CAMK4: variants seen among roughly 807,000 people sequenced by gnomAD.
CAMK4 encodes the protein calcium/calmodulin dependent protein kinase IV, also known as calcium/calmodulin-dependent protein kinase type IV.
In CAMK4, 22 loss-of-function variants were observed where a neutral mutation model predicts 44.9. That is an observed-to-expected ratio of 0.49 (90% CI 0.35 to 0.70). The LOEUF (loss-of-function observed/expected upper bound fraction) is 0.70. Among genes scored for constraint, CAMK4 ranks in the 30% least tolerant of loss-of-function variants. The pLI is 0.01. For missense variants in CAMK4, 498 were observed against 586.8 expected, an observed-to-expected ratio of 0.85 and a Z score of 1.56; for synonymous variants, 218 against 215.4, an observed-to-expected ratio of 1.01 and a Z score of -0.11.
At chr5:111,463,904 A>C (rs1754729500) in intron 7 of CAMK4, among the ~76,000 whole-genome samples, 1 of 152,038 alleles carries the variant, frequency 6.6e-6, no homozygotes, top group South Asian at 2.1e-4. Flanking sequence ...GGAACCAGAA[A>C]AACAATTCTG....
At chr5:111,379,212 G>T (rs1330011530) in intron 4 of CAMK4, among the ~76,000 whole-genome samples, 2 of 152,116 alleles carry the variant, frequency 1.3e-5, no homozygotes, top group African/African-American at 4.8e-5. Context: ...AATAGTGTTT[G>T]CTGTTTACTT....
intron 1 of CAMK4, among the ~76,000 whole-genome samples, chr5:111,309,134 G>A (rs1263838336): frequency 6.6e-6 from 1 of 152,184 alleles, no homozygotes; most frequent in Non-Finnish European, 1.5e-5. Flanking sequence ...ACAAGGCTCT[G>A]CTAGCTGACG....
intron 1 of CAMK4, among the ~76,000 whole-genome samples, chr5:111,239,297 G>C (rs1748884715): frequency 6.6e-6 from 1 of 152,012 alleles, no homozygotes; most frequent in Admixed American, 6.6e-5. Flanking sequence ...CTTGTGTTTT[G>C]CTTGGTTTTA....
At chr5:111,471,135 C>T (rs1411231600) in intron 7 of CAMK4, among the ~76,000 whole-genome samples, 2 of 152,222 alleles carry the variant, frequency 1.3e-5, no homozygotes, top group African/African-American at 4.8e-5. Flanking sequence ...TTCAATCCCA[C>T]TTGTTTAAAA....
chr5:111,353,903 G>T (rs928599334), intron 2 of CAMK4, among the ~76,000 whole-genome samples: 13 of 152,092 alleles, frequency 8.5e-5, no homozygotes, highest in African/African-American at 1.9e-4. Context: ...TATTGCCAAA[G>T]TGTCAGTACT....
At chr5:111,252,925 G>A (rs1047509586) in intron 1 of CAMK4, among the ~76,000 whole-genome samples, 2 of 152,230 alleles carry the variant, frequency 1.3e-5, no homozygotes, top group Non-Finnish European at 2.9e-5. Context: ...AATAGCAAGT[G>A]ATGCTACTTC....
intron 1 of CAMK4, among the ~76,000 whole-genome samples, chr5:111,294,031 G>A (rs1247929095): frequency 6.6e-6 from 1 of 152,156 alleles, no homozygotes; most frequent in East Asian, 1.9e-4. Context: ...ACAGGTGTGA[G>A]CCACCGCGCC....
At chr5:111,424,479 C>T (rs1402511612) in intron 5 of CAMK4, among the ~76,000 whole-genome samples, 5 of 109,626 alleles carry the variant, frequency 4.6e-5, no homozygotes, top group African/African-American at 1.8e-4. Flanking sequence ...GAGTCTCGCT[C>T]TGTCGCCCAG....
chr5:111,337,621 G>A (rs1277423676), intron 1 of CAMK4, among the ~76,000 whole-genome samples: 1 of 150,806 alleles, frequency 6.6e-6, no homozygotes, highest in Non-Finnish European at 1.5e-5. Context: ...AATTTGGGGT[G>A]TACTTTCAGA....
intron 5 of CAMK4, among the ~76,000 whole-genome samples, chr5:111,406,278 T>C (rs573042121): frequency 6.6e-6 from 1 of 151,520 alleles, no homozygotes; most frequent in South Asian, 2.1e-4. Flanking sequence ...TGGAGTGCAG[T>C]GGTGTGATAT....
At chr5:111,416,229 C>T (rs898759652) in intron 5 of CAMK4, among the ~76,000 whole-genome samples, 4 of 151,862 alleles carry the variant, frequency 2.6e-5, no homozygotes, top group African/African-American at 9.7e-5. Flanking sequence ...TATATATGAA[C>T]AAACTCCCAT....
chr5:111,329,444 G>C (rs562461263), intron 1 of CAMK4, among the ~76,000 whole-genome samples: 1 of 136,218 alleles, frequency 7.3e-6, no homozygotes, highest in African/African-American at 2.7e-5. Context: ...AATTGTCCCT[G>C]TTTACAGATG....
At chr5:111,226,703 A>G (rs1748208981) in intron 1 of CAMK4, among the ~76,000 whole-genome samples, 1 of 152,254 alleles carries the variant, frequency 6.6e-6, no homozygotes, top group African/African-American at 2.4e-5. Flanking sequence ...AACACTGACA[A>G]CAGAGAACAC....
intron 5 of CAMK4, among the ~76,000 whole-genome samples, chr5:111,417,566 C>A (rs1378291825): frequency 6.6e-6 from 1 of 151,956 alleles, no homozygotes; most frequent in Non-Finnish European, 1.5e-5. Flanking sequence ...ATTCTGTTGC[C>A]CAGGGTGATC....
intron 1 of CAMK4, among the ~76,000 whole-genome samples, chr5:111,255,448 C>T (rs1255895748): frequency 1.3e-5 from 2 of 152,164 alleles, no homozygotes; most frequent in African/African-American, 4.8e-5. Flanking sequence ...GGCTGATTTT[C>T]TGATTTTTCT....
intron 2 of CAMK4, among the ~76,000 whole-genome samples, chr5:111,371,540 C>T: frequency 6.6e-6 from 1 of 151,940 alleles, no homozygotes; most frequent in East Asian, 1.9e-4. Context: ...TTCCTGTGAC[C>T]CAATTATTTA....
intron 2 of CAMK4, among the ~76,000 whole-genome samples, chr5:111,363,225 C>T (rs942577831): frequency 2.0e-5 from 3 of 152,054 alleles, no homozygotes; most frequent in African/African-American, 7.2e-5. Flanking sequence ...AGACATTCTC[C>T]ACTCCACTGG....
chr5:111,357,610 A>G (rs1750421000), intron 2 of CAMK4, among the ~76,000 whole-genome samples: 2 of 152,090 alleles, frequency 1.3e-5, no homozygotes, highest in African/African-American at 4.8e-5. Flanking sequence ...AAAACCATTT[A>G]TTTTCTAGAA....
At chr5:111,364,326 T>C (rs898166820) in intron 2 of CAMK4, among the ~76,000 whole-genome samples, 2 of 152,142 alleles carry the variant, frequency 1.3e-5, no homozygotes, top group African/African-American at 4.8e-5. Flanking sequence ...CAGGTTCTTT[T>C]CCTCTTCTCC....
Sources: allele counts gnomAD v4.1 joint callset (sites outside exome capture counted in the v4.1 genomes callset), GRCh38; gene constraint gnomAD v4.1.1; transcripts MANE v1.5; gene names NCBI Gene and HGNC (gene_info 2026-07-23, HGNC 2026-07-21).